The following PEPD variants were observed in gnomAD, a reference collection of about 807,000 sequenced individuals.
The protein encoded by PEPD is xaa-Pro dipeptidase.
PEPD carries 53 observed loss-of-function variants against 60.7 expected under a neutral mutation model. The observed-to-expected ratio is 0.87, with a 90% CI of 0.70 to 1.10. PEPD has a LOEUF of 1.10. Among genes scored for constraint, PEPD ranks in the 50% least tolerant of loss-of-function variants. The pLI, the probability that PEPD is intolerant of heterozygous loss-of-function variation, is 0.00. For missense variants in PEPD, 711 were observed against 711.9 expected (o/e 1.00, Z 0.01); for synonymous variants, 267 against 284.1 (o/e 0.94, Z 0.60).
At chr19:33,392,787 C>T (rs926386865) in intron 12 of PEPD, among the ~76,000 whole-genome samples, 2 of 152,158 alleles carry the variant, frequency 1.3e-5, no homozygotes, top group African/African-American at 4.8e-5. Flanking sequence ...AAGCAGGGTT[C>T]TGAACCTCTG....
chr19:33,402,081 G>A (rs1290514006), intron 11 of PEPD, among the ~76,000 whole-genome samples: 1 of 152,190 alleles, frequency 6.6e-6, no homozygotes, highest in African/African-American at 2.4e-5. Flanking sequence ...TGGAAGACCT[G>A]TGTCTTCCAG....
Position 33,493,345 on chromosome 19 carries a change from G to T in PEPD, c.394-8C>A, listed in dbSNP as rs964351941. 6.2e-7 allele frequency: 1 copy of T among 1,611,566 alleles called. No individual in the cohort carries two copies. The highest frequency in any genetic ancestry group is 8.5e-7 in the Non-Finnish European group (1 of 1,177,774). On this transcript the variant is annotated splice_region_variant and splice_polypyrimidine_tract_variant and intron_variant, in intron 4 of 14. Coordinates refer to ENST00000244137, the MANE Select transcript of PEPD (RefSeq NM_000285.4). ...CGTCAGGACGCTGGCAATCTAGAAG[G>T]TCGGAAAGAAAAACCCACTTTAGAG... is the stretch of plus-strand genomic sequence containing the variant.
chr19:33,475,888 C>A (rs562688912), intron 7 of PEPD, among the ~76,000 whole-genome samples: 2 of 152,282 alleles, frequency 1.3e-5, no homozygotes, highest in African/African-American at 4.8e-5. Flanking sequence ...GAGACAAGGT[C>A]TCGCTCTGTC....
chr19:33,518,807 A>T (rs1166071255), intron 1 of PEPD, among the ~76,000 whole-genome samples: 1 of 152,120 alleles, frequency 6.6e-6, no homozygotes, highest in Non-Finnish European at 1.5e-5. Context: ...CCTAACCCAC[A>T]ATGGGCAGAC....
chr19:33,485,491 T>TAAAAAAAAAAAAAAAAAAAAAAAAAAAAA (rs908651690), intron 6 of PEPD, among the ~76,000 whole-genome samples: 3 of 110,960 alleles, frequency 2.7e-5, no homozygotes, highest in African/African-American at 1.1e-4. Context: ...AGACTCTGTC[T>TAAAAAAAAAAAAAAAAAAAAAAAAAAAAA]AAAAAAAAAA....
intron 11 of PEPD, among the ~76,000 whole-genome samples, chr19:33,411,282 C>A (rs1055654192): frequency 1.3e-5 from 2 of 152,156 alleles, no homozygotes. Context: ...CTTCCCAGCT[C>A]CAGACCAAGA....
At chr19:33,399,990 C>T (rs1968451213) in intron 12 of PEPD, among the ~76,000 whole-genome samples, 1 of 152,026 alleles carries the variant, frequency 6.6e-6, no homozygotes. Flanking sequence ...TGGGGCTGGG[C>T]TCGGGGCACT....
chr19:33,497,614 T>C (rs1419051103), intron 4 of PEPD, among the ~76,000 whole-genome samples: 1 of 151,424 alleles, frequency 6.6e-6, no homozygotes, highest in Non-Finnish European at 1.5e-5. Flanking sequence ...GAGACAAGCG[T>C]TGGCTGTGAT....
intron 12 of PEPD, among the ~76,000 whole-genome samples, chr19:33,395,315 C>G (rs767820649): frequency 7.2e-5 from 11 of 152,214 alleles, no homozygotes; most frequent in Admixed American, 7.2e-4. Flanking sequence ...TGCCCGTACT[C>G]TGCTCTGTGC....
At chr19:33,396,655 G>A (rs1450301174) in intron 12 of PEPD, among the ~76,000 whole-genome samples, 1 of 151,404 alleles carries the variant, frequency 6.6e-6, no homozygotes, top group African/African-American at 2.4e-5. Context: ...GGGCACAGGA[G>A]GCTCCTGGGT....
At chr19:33,465,079 C>T (rs1202223663) in intron 7 of PEPD, among the ~76,000 whole-genome samples, 1 of 152,172 alleles carries the variant, frequency 6.6e-6, no homozygotes, top group Non-Finnish European at 1.5e-5. Context: ...CTGTTTTCAT[C>T]ATAGGTTTGC....
Position 33,512,654 on chromosome 19 carries a change from A to T in PEPD, c.140T>A (p.Val47Asp). ...NPAVQAGSIV[V>D]LQGGEETQRY... ...CTGAGTCTCCTCCCCGCCCTGCAGG[A>T]CCACGATGGAGCCGGCCTGCACAGC... The change falls in exon 2 of 15, where the codon GTC becomes GAC. Residue 47 changes from valine (V) to aspartate (D), a missense_variant. Transcript: ENST00000244137. The T allele has an allele frequency of 1.2e-6, 2 of 1,613,960 alleles. No individual in the cohort carries two copies. The highest frequency in any genetic ancestry group is 1.7e-6 in the Non-Finnish European group (2 of 1,179,946).
At chr19:33,489,625 T>C (rs1004624811) in intron 6 of PEPD, among the ~76,000 whole-genome samples, 4 of 150,838 alleles carry the variant, frequency 2.7e-5, no homozygotes, top group African/African-American at 9.8e-5. Flanking sequence ...CAAGACTCCA[T>C]CTCAAAAAAA....
At chr19:33,494,636 A>G (rs1174567341) in intron 4 of PEPD, among the ~76,000 whole-genome samples, 1 of 152,252 alleles carries the variant, frequency 6.6e-6, no homozygotes, top group East Asian at 1.9e-4. Context: ...CGCTGGGGAC[A>G]GTAAACGTCC....
chr19:33,424,619 C>T (rs765710702), intron 9 of PEPD, among the ~76,000 whole-genome samples: 5 of 152,102 alleles, frequency 3.3e-5, no homozygotes, highest in East Asian at 1.9e-4. Flanking sequence ...GCGGGAGGAT[C>T]GCTGGAGTCC....
chr19:33,500,536 C>T (rs944303679), intron 4 of PEPD, among the ~76,000 whole-genome samples: 8 of 152,206 alleles, frequency 5.3e-5, no homozygotes, highest in East Asian at 3.9e-4. Flanking sequence ...TTCACAGCCT[C>T]GGGCTTTTCT....
chr19:33,431,180 A>AAGGGAGGGAGGGAGGGAGGGAGAG (rs1217921437), intron 9 of PEPD, among the ~76,000 whole-genome samples: 1 of 129,888 alleles, frequency 7.7e-6, no homozygotes, highest in Non-Finnish European at 1.6e-5. Context: ...GGAAGGAAGG[A>AAGGGAGGGAGGGAGGGAGGGAGAG]AGGGAGGGAG....
At chr19:33,478,560 A>G (rs1042574522) in intron 6 of PEPD, among the ~76,000 whole-genome samples, 9 of 152,246 alleles carry the variant, frequency 5.9e-5, no homozygotes, top group Admixed American at 5.9e-4. Context: ...TCTTGAAAGC[A>G]GCAAGAGAAA....
At chr19:33,442,627 T>C (rs1969504582) in intron 9 of PEPD, among the ~76,000 whole-genome samples, 1 of 151,724 alleles carries the variant, frequency 6.6e-6, no homozygotes, top group African/African-American at 2.4e-5. Flanking sequence ...GAGAATAGCT[T>C]GAACCTGGGA....
Sources: allele counts gnomAD v4.1 joint callset (sites outside exome capture counted in the v4.1 genomes callset), GRCh38; gene constraint gnomAD v4.1.1; transcripts MANE v1.5; gene names NCBI Gene and HGNC (gene_info 2026-07-23, HGNC 2026-07-21).